Variants in EPS15 observed in about 807,000 individuals in gnomAD.
EPS15 encodes the protein epidermal growth factor receptor substrate 15.
EPS15 carries 72 observed loss-of-function variants against 113.8 expected under a neutral mutation model. That is an observed-to-expected ratio of 0.63 (90% CI 0.52 to 0.77). The LOEUF is 0.77. Ranked by LOEUF, EPS15 falls within the 30% of genes least tolerant of loss-of-function variation. EPS15 has a pLI of 0.00. For missense variants in EPS15, 1,048 were observed against 1,045.8 expected (o/e 1.00, Z -0.03); for synonymous variants, 344 against 363.4 (o/e 0.95, Z 0.61).
chr1:51,448,342 A>G (rs557621135), intron 8 of EPS15, among the ~76,000 whole-genome samples: 3 of 152,300 alleles, frequency 2.0e-5, no homozygotes, highest in Non-Finnish European at 4.4e-5. Context: ...TTTTAGGAAG[A>G]TATCCTTAGT....
chr1:51,384,298 C>CTTTTTTTTTT (rs67265512), intron 21 of EPS15, among the ~76,000 whole-genome samples: 6 of 99,520 alleles, frequency 6.0e-5, no homozygotes, highest in East Asian at 2.5e-4. Flanking sequence ...TTCTTTCTTT[C>CTTTTTTTTTT]TTTTTTTTTT....
At chr1:51,426,817 GTCTCTC>G (rs35528783) in intron 12 of EPS15, among the ~76,000 whole-genome samples, 1 of 145,650 alleles carries the variant, frequency 6.9e-6, no homozygotes, top group Admixed American at 6.9e-5. Flanking sequence ...AAATAAATCT[GTCTCTC>G]TCTCTCTCTC....
At chr1:51,381,383 A>C (rs547098297) in intron 21 of EPS15, among the ~76,000 whole-genome samples, 1 of 152,312 alleles carries the variant, frequency 6.6e-6, no homozygotes, top group East Asian at 1.9e-4. Context: ...CCTTGAGATC[A>C]GGAGTTCGAG....
At chr1:51,396,147 A>G (rs1290731111) in intron 20 of EPS15, among the ~76,000 whole-genome samples, 1 of 151,800 alleles carries the variant, frequency 6.6e-6, no homozygotes, top group African/African-American at 2.4e-5. Flanking sequence ...TTATACAACT[A>G]GCACACTAAC....
In EPS15 at chr1:51,354,846, T is replaced by C. The variant is rs1434098728; in HGVS notation, c.*1854A>G. ...ATTGAAAGTTGGTGTTTATAAGTTA[T>C]AGATATTTAATATTTGAGTTTAATT... is the stretch of plus-strand genomic sequence containing the variant. On this transcript the variant is annotated 3_prime_UTR_variant, in exon 25 of 25. Coordinates refer to ENST00000371733, the MANE Select transcript of EPS15 (RefSeq NM_001981.3). 5.9e-5 allele frequency: 12 copies of C among 202,016 alleles called. No homozygotes were observed. The highest frequency in any genetic ancestry group is 3.6e-4 in the Admixed American group (6 of 16,684). The allele number at this position is 202,016 out of a possible 1,614,324, so 12.5% of individuals were successfully genotyped here. A position where few individuals can be genotyped will look rare whatever the true frequency, so the allele number is the denominator to read the frequency against.
chr1:51,387,443 C>T (rs1037617581), intron 21 of EPS15, among the ~76,000 whole-genome samples: 19 of 151,526 alleles, frequency 1.3e-4, no homozygotes, highest in Middle Eastern at 3.4e-3. Context: ...AACATCATAA[C>T]GACAGGATCA....
chr1:51,462,481 T>G (rs1654537142), intron 7 of EPS15, among the ~76,000 whole-genome samples: 1 of 151,916 alleles, frequency 6.6e-6, no homozygotes, highest in Non-Finnish European at 1.5e-5. Flanking sequence ...TGACTGGCAG[T>G]ACGGAGAAGC....
In EPS15 at chr1:51,448,124, CA is replaced by C; in HGVS notation, c.572del (p.Leu191TrpfsTer43). On this transcript the variant is annotated frameshift_variant, in exon 9 of 25. Coordinates refer to ENST00000371733, the MANE Select transcript of EPS15 (RefSeq NM_001981.3). LOFTEE classifies it high-confidence loss of function. ...DRDEFAVAMF[L>X]VYCALEKEPV... The stretch of plus-strand genomic sequence containing the variant: ...GTTCTTTCTCCAGTGCACAGTATAC[CA>C]AAAACATGGCCTTCAAAATAAATGA... The C allele has an allele frequency of 1.9e-6, 3 of 1,610,020 alleles. No homozygotes were observed. The highest frequency in any genetic ancestry group is 2.5e-6 in the Non-Finnish European group (3 of 1,177,092).
At chr1:51,362,161 A>AT (rs1646401609) in intron 23 of EPS15, among the ~76,000 whole-genome samples, 1 of 152,220 alleles carries the variant, frequency 6.6e-6, no homozygotes, top group South Asian at 2.1e-4. Flanking sequence ...AATAGCAATC[A>AT]TAACAACAGA....
At chr1:51,375,397 T>C (rs1325412942) in intron 21 of EPS15, among the ~76,000 whole-genome samples, 3 of 152,224 alleles carry the variant, frequency 2.0e-5, no homozygotes, top group Non-Finnish European at 2.9e-5. Flanking sequence ...TACTGGCATG[T>C]TTTTATTTAT....
At chr1:51,400,739 GAAGT>G (rs1027250635) in intron 19 of EPS15, among the ~76,000 whole-genome samples, 175 bp downstream of exon 19, 7 of 114,658 alleles carry the variant, frequency 6.1e-5, no homozygotes, top group African/African-American at 2.3e-4. Context: ...AAAAAAAGAA[GAAGT>G]AAAAGTAAAG....
chr1:51,495,483 G>T (rs1644309944), intron 1 of EPS15, among the ~76,000 whole-genome samples: 1 of 151,162 alleles, frequency 6.6e-6, no homozygotes, highest in African/African-American at 2.4e-5. Flanking sequence ...AGAAATCTTT[G>T]GTGTTTTAAT....
chr1:51,408,051 G>T (rs1649296700), intron 15 of EPS15, 84 bp downstream of exon 15: 2 of 1,182,474 alleles, frequency 1.7e-6, no homozygotes, highest in African/African-American at 3.0e-5. Flanking sequence ...GCAAGAGGTT[G>T]AAGGAGCAGA....
At chr1:51,516,509 C>T (rs917908447) in intron 1 of EPS15, among the ~76,000 whole-genome samples, 1 of 152,272 alleles carries the variant, frequency 6.6e-6, no homozygotes, top group African/African-American at 2.4e-5. Context: ...CTCTAGCATT[C>T]TATCATCTCT....
At position 51,368,618 on chromosome 1, in the gene EPS15, A is replaced by C. The variant is rs1336745426; in HGVS notation, c.2120-2589T>G. 3.0e-5 allele frequency among the ~76,000 whole-genome samples: 4 copies of C among 131,806 alleles called. No homozygotes were observed. In the East Asian group the frequency reaches 8.6e-4, roughly 28 times the overall value. 86.5% of individuals were successfully genotyped at this position (131,806 alleles called of 152,430 possible). ...TGTTTCTTTTTTTTTTTTTTTGGAG[A>C]TGGAGTCTCGCCTGTGTCACCCAGG... On this transcript the variant is annotated intron_variant, in intron 21 of 24. Coordinates refer to ENST00000371733, the MANE Select transcript of EPS15 (RefSeq NM_001981.3).
At chr1:51,381,393 G>C (rs1646938232) in intron 21 of EPS15, among the ~76,000 whole-genome samples, 1 of 152,148 alleles carries the variant, frequency 6.6e-6, no homozygotes, top group South Asian at 2.1e-4. Context: ...AGGAGTTCGA[G>C]ACCAGCCTGG....
At chr1:51,406,348 C>T (rs1396839995) in intron 15 of EPS15, among the ~76,000 whole-genome samples, 1 of 152,060 alleles carries the variant, frequency 6.6e-6, no homozygotes, top group Non-Finnish European at 1.5e-5. Flanking sequence ...TGATGGAGTG[C>T]ACCTGTAGTC....
chr1:51,492,525 A>G (rs1235207476), intron 1 of EPS15, among the ~76,000 whole-genome samples: 1 of 152,224 alleles, frequency 6.6e-6, no homozygotes, highest in Non-Finnish European at 1.5e-5. Context: ...CTGAAAAACG[A>G]TGGATGTAAA....
intron 21 of EPS15, among the ~76,000 whole-genome samples, chr1:51,381,199 TAC>T (rs989317468): frequency 2.6e-5 from 4 of 152,288 alleles, no homozygotes; most frequent in African/African-American, 9.6e-5. Flanking sequence ...AATAGCAGAA[TAC>T]ACATTTTCTC....
Sources: allele counts gnomAD v4.1 joint callset (sites outside exome capture counted in the v4.1 genomes callset), GRCh38; gene constraint gnomAD v4.1.1; transcripts MANE v1.5; gene names NCBI Gene and HGNC (gene_info 2026-07-23, HGNC 2026-07-21).